Variants in RGS5 observed in about 807,000 individuals in gnomAD.
The protein encoded by RGS5 is regulator of G protein signaling 5.
A neutral mutation model predicts 18.9 loss-of-function variants in RGS5; 20 were observed. The ratio of observed to expected loss-of-function variants is 1.06; its 90% CI spans 0.74 to 1.54. The LOEUF is 1.54. RGS5 is among the 40% of genes most tolerant of loss of function. The probability of loss-of-function intolerance (pLI) is 0.00; values close to 1 mark genes in which losing one functional copy is unlikely to be tolerated. For missense variants in RGS5, 201 were observed against 211.8 expected (o/e 0.95, Z 0.32); for synonymous variants, 57 against 76.2 (o/e 0.75, Z 1.31).
chr1:163,222,208 GGTGA>G (rs917916201), upstream of RGS5, among the ~76,000 whole-genome samples: 17 of 152,148 alleles, frequency 1.1e-4, no homozygotes, highest in African/African-American at 3.9e-4. Flanking sequence ...GTGAGTGGCA[GGTGA>G]GTGAGTATTA....
chr1:163,259,087 C>CA (rs1276745920), intron 2 of RGS5, among the ~76,000 whole-genome samples: 1 of 152,054 alleles, frequency 6.6e-6, no homozygotes, highest in African/African-American at 2.4e-5. Flanking sequence ...TTCATTTTGT[C>CA]AAACAAGGTA....
chr1:163,308,384 G>A (rs1027892764), intron 1 of RGS5, among the ~76,000 whole-genome samples: 7 of 152,100 alleles, frequency 4.6e-5, no homozygotes, highest in Non-Finnish European at 7.4e-5. Context: ...GTTAGACACT[G>A]ACACAGGATG....
chr1:163,150,200 G>C (rs1238585722), intron 4 of RGS5, among the ~76,000 whole-genome samples: 2 of 145,218 alleles, frequency 1.4e-5, no homozygotes, highest in East Asian at 2.0e-4. Flanking sequence ...GAAGGGCAAG[G>C]CTATTTTAAT....
chr1:163,240,892 C>T (rs1228158854), intron 2 of RGS5, among the ~76,000 whole-genome samples: 4 of 152,120 alleles, frequency 2.6e-5, no homozygotes, highest in Admixed American at 6.5e-5. Context: ...GTATCTAAGG[C>T]GTGTGATGGC....
At chr1:163,153,028 G>A (rs781271486) in intron 3 of RGS5, among the ~76,000 whole-genome samples, 2 of 152,242 alleles carry the variant, frequency 1.3e-5, no homozygotes, top group East Asian at 1.9e-4. Context: ...AGTGACAAAC[G>A]TTTACCTATT....
At chr1:163,282,487 T>C (rs568269014) in intron 2 of RGS5, among the ~76,000 whole-genome samples, 1 of 152,238 alleles carries the variant, frequency 6.6e-6, no homozygotes, top group South Asian at 2.1e-4. Flanking sequence ...GGCAGGAGGA[T>C]TGCTTGAAGC....
At chr1:163,204,521 T>C (rs991400749), upstream of RGS5, among the ~76,000 whole-genome samples, 12 of 152,146 alleles carry the variant, frequency 7.9e-5, no homozygotes, top group African/African-American at 2.7e-4. Flanking sequence ...AGCTAGTTTT[T>C]AAATTTTTTG....
At chr1:163,199,325 C>T (rs1659689032) in intron 1 of RGS5, among the ~76,000 whole-genome samples, 1 of 152,056 alleles carries the variant, frequency 6.6e-6, no homozygotes, top group Admixed American at 6.6e-5. Flanking sequence ...AAGCAATAGT[C>T]TTAAAAATCT....
intron 2 of RGS5, among the ~76,000 whole-genome samples, chr1:163,261,717 T>G (rs1648441661): frequency 6.6e-6 from 1 of 152,300 alleles, no homozygotes; most frequent in East Asian, 1.9e-4. Flanking sequence ...ATCAAGAGGC[T>G]CACAAGCTTT....
chr1:163,162,344 G>A (rs765628146), intron 2 of RGS5, among the ~76,000 whole-genome samples: 1 of 152,124 alleles, frequency 6.6e-6, no homozygotes, highest in Non-Finnish European at 1.5e-5. Flanking sequence ...TCCCATTACA[G>A]AGATTGAACT....
chr1:163,246,254 AAAT>A (rs1647932925), intron 2 of RGS5, among the ~76,000 whole-genome samples: 1 of 147,768 alleles, frequency 6.8e-6, no homozygotes, highest in African/African-American at 2.5e-5. Flanking sequence ...AAATAAATAA[AAAT>A]AATAACAATA....
At chr1:163,307,634 G>T (rs1012206551) in intron 1 of RGS5, among the ~76,000 whole-genome samples, 4 of 146,726 alleles carry the variant, frequency 2.7e-5, no homozygotes, top group Non-Finnish European at 6.1e-5. Flanking sequence ...AAAAAAAAAA[G>T]GAGCTTTAGT....
chr1:163,236,625 A>C (rs748353819), intron 2 of RGS5, among the ~76,000 whole-genome samples: 3 of 152,150 alleles, frequency 2.0e-5, no homozygotes, highest in Non-Finnish European at 4.4e-5. Flanking sequence ...CCAGCAATAT[A>C]ATAGGAAAAA....
chr1:163,208,511 C>A (rs1170489965), intron 1 of RGS5, among the ~76,000 whole-genome samples: 1 of 107,948 alleles, frequency 9.3e-6, no homozygotes, highest in African/African-American at 3.4e-5. Context: ...CAAGACTCCA[C>A]CTCCATTAAA....
chr1:163,205,303 C>A (rs1174876236), upstream of RGS5, among the ~76,000 whole-genome samples: 1 of 121,058 alleles, frequency 8.3e-6, no homozygotes, highest in Non-Finnish European at 1.6e-5. Flanking sequence ...ACTTAAAAAT[C>A]TGTGAAGAGA....
intron 2 of RGS5, among the ~76,000 whole-genome samples, chr1:163,286,660 T>A (rs1303354193): frequency 6.6e-6 from 1 of 152,188 alleles, no homozygotes; most frequent in Non-Finnish European, 1.5e-5. Context: ...TACTTTCTGA[T>A]GCTTCTTCCC....
intron 2 of RGS5, among the ~76,000 whole-genome samples, chr1:163,241,130 G>C (rs1445367180): frequency 6.6e-6 from 1 of 152,186 alleles, no homozygotes; most frequent in Non-Finnish European, 1.5e-5. Flanking sequence ...CCAAAGGCTA[G>C]ATGTATTTAC....
At chr1:163,285,685 T>C (rs1391367421) in intron 2 of RGS5, among the ~76,000 whole-genome samples, 1 of 152,042 alleles carries the variant, frequency 6.6e-6, no homozygotes, top group African/African-American at 2.4e-5. Flanking sequence ...TGGGAGGTGA[T>C]TGAATCAGGG....
intron 2 of RGS5, among the ~76,000 whole-genome samples, chr1:163,298,948 G>C (rs143534868): frequency 3.3e-5 from 5 of 152,228 alleles, no homozygotes; most frequent in Admixed American, 6.5e-5. Context: ...ATCCATGCTT[G>C]CCTTTAGAGA....
Sources: allele counts gnomAD v4.1 joint callset (sites outside exome capture counted in the v4.1 genomes callset), GRCh38; gene constraint gnomAD v4.1.1; transcripts MANE v1.5; gene names NCBI Gene and HGNC (gene_info 2026-07-23, HGNC 2026-07-21).